The following WDR43 variants were observed in gnomAD, a reference collection of about 807,000 sequenced individuals.
The protein encoded by WDR43 is WD repeat domain 43, also known as WD repeat-containing protein 43.
Under a neutral mutation model 91.4 loss-of-function variants are expected in WDR43, and 13 were observed. The ratio of observed to expected loss-of-function variants is 0.14; its 90% CI spans 0.09 to 0.23. WDR43 has a LOEUF of 0.23. WDR43 is among the 10% of genes least tolerant of loss of function. WDR43 has a pLI of 1.00. For missense variants in WDR43, 780 were observed against 809.4 expected (o/e 0.96, Z 0.44); for synonymous variants, 331 against 287.9 (o/e 1.15, Z -1.51).
chr2:28,928,429 T>G (rs1470979084), intron 10 of WDR43, among the ~76,000 whole-genome samples: 1 of 152,204 alleles, frequency 6.6e-6, no homozygotes, highest in Non-Finnish European at 1.5e-5. Flanking sequence ...ATAAAAGTTA[T>G]TCCTCAGTTA....
intron 3 of WDR43, among the ~76,000 whole-genome samples, chr2:28,907,903 C>CAAAA (rs71403627): frequency 6.8e-6 from 1 of 146,524 alleles, no homozygotes; most frequent in Non-Finnish European, 1.5e-5. Flanking sequence ...GACTCCGTCT[C>CAAAA]AAAAAAAAAA....
chr2:28,941,624 T>C (rs1435335192), intron 15 of WDR43, 50 bp downstream of exon 15: 6 of 1,355,888 alleles, frequency 4.4e-6, no homozygotes, highest in Non-Finnish European at 6.2e-6. Context: ...ATGGTAGGAA[T>C]GGAGAGAGGA....
intron 3 of WDR43, among the ~76,000 whole-genome samples, chr2:28,911,345 G>A (rs1188476807): frequency 6.6e-6 from 1 of 150,864 alleles, no homozygotes; most frequent in East Asian, 2.0e-4. Context: ...CCAGGCTGGA[G>A]TACAGTGGTG....
At position 28,923,606 on chromosome 2, in the gene WDR43, A is replaced by G. The variant is rs146067551; in HGVS notation, c.914+623A>G. ...GGCACCCTTCTTTTAAGATACCAGT[A>G]TAGGAATTTATTTAAATATAAACAG... On this transcript the variant is annotated intron_variant, in intron 7 of 17. Coordinates refer to ENST00000407426, the MANE Select transcript of WDR43 (RefSeq NM_015131.3). 1.3e-3 allele frequency among the ~76,000 whole-genome samples: 201 copies of G among 152,282 alleles called. 1 individual carries two copies. Among genetic ancestry groups the G allele is most frequent in the Non-Finnish European group, 2.3e-3 (159 of 68,022 alleles).
At position 28,894,915 on chromosome 2, in the gene WDR43, C is replaced by A; in HGVS notation, c.217C>A (p.Gln73Lys). 1 of 1,589,872 alleles carries A rather than the reference C, an allele frequency of 6.3e-7. No homozygotes were observed. Among genetic ancestry groups the A allele is most frequent in the Non-Finnish European group, 8.6e-7 (1 of 1,168,942 alleles). The change falls in exon 1 of 18, where the codon CAG becomes AAG. Residue 73 changes from glutamine to lysine, a missense_variant. Physicochemically the swap from Gln to Lys is moderately conservative, Grantham distance 53. Around this residue, in one of 4 missense-constraint regions of WDR43, gnomAD observed 175 missense variants for 113.8 expected, o/e 1.54. Coordinates refer to ENST00000407426, the MANE Select transcript of WDR43 (RefSeq NM_015131.3). ...TCTGGCCTGGGCGCCAGCGCGGCTGCAGGCCAAGGTAAAGCGAGCGGGACT... is the reference window on the plus strand; with the variant it reads ...TCTGGCCTGGGCGCCAGCGCGGCTGAAGGCCAAGGTAAAGCGAGCGGGACT... The part of the protein sequence containing the change: ...TCLAWAPARL[Q>K]AKESPQRKKR...
intron 1 of WDR43, among the ~76,000 whole-genome samples, chr2:28,901,254 T>G (rs928472379): frequency 2.0e-5 from 3 of 152,246 alleles, no homozygotes; most frequent in African/African-American, 7.2e-5. Flanking sequence ...ACTGATGTAG[T>G]GCTTTTAAGT....
At chr2:28,900,470 C>T (rs1301559488) in intron 1 of WDR43, among the ~76,000 whole-genome samples, 3 of 152,192 alleles carry the variant, frequency 2.0e-5, no homozygotes, top group Non-Finnish European at 2.9e-5. Context: ...GCGTGAGCCA[C>T]CACACTCAGC....
chr2:28,941,401 A>G, intron 14 of WDR43, 60 bp from the exon 15 acceptor site: 1 of 1,308,022 alleles, frequency 7.6e-7, no homozygotes, highest in Non-Finnish European at 1.1e-6. Context: ...GCTGAGCATG[A>G]TTTGCGTGTT....
At position 28,933,258 on chromosome 2, in the gene WDR43, A is replaced by G. The variant is rs549769308; in HGVS notation, c.1438-2263A>G. 1.2e-3 allele frequency among the ~76,000 whole-genome samples: 182 copies of G among 152,318 alleles called. 3 individuals carry two copies. Among genetic ancestry groups the G allele is most frequent in the African/African-American group, 4.2e-3 (176 of 41,574 alleles). On this transcript the variant is annotated intron_variant, in intron 11 of 17. Coordinates refer to ENST00000407426, the MANE Select transcript of WDR43 (RefSeq NM_015131.3). ...TTTCAAAATAAAGCTATAGTAGTCAAGATAGTTTGATATTGGTGAAAAAAT... is the reference window on the plus strand; with the variant it reads ...TTTCAAAATAAAGCTATAGTAGTCAGGATAGTTTGATATTGGTGAAAAAAT...
At chr2:28,917,064 C>T (rs918392876) in intron 5 of WDR43, among the ~76,000 whole-genome samples, 1 of 151,926 alleles carries the variant, frequency 6.6e-6, no homozygotes, top group Non-Finnish European at 1.5e-5. Context: ...GCTTGGGGGC[C>T]GTTGTAATTA....
intron 14 of WDR43, 104 bp from the exon 15 acceptor site, chr2:28,941,357 T>C: frequency 1.3e-6 from 1 of 766,796 alleles, no homozygotes; most frequent in Non-Finnish European, 2.1e-6. Context: ...TGTAAGCAGA[T>C]GTGTGTGGTG....
Position 28,916,416 on chromosome 2 carries a change from C to T in WDR43, c.747-1477C>T, listed in dbSNP as rs552917293. On this transcript the variant is annotated intron_variant, in intron 5 of 17. Coordinates refer to ENST00000407426, the MANE Select transcript of WDR43 (RefSeq NM_015131.3). ...AAATTCCTTCACATCCTCATCAACACTTGGTATAGCATTTAATTTTAGCCA... is the reference window on the plus strand; with the variant it reads ...AAATTCCTTCACATCCTCATCAACATTTGGTATAGCATTTAATTTTAGCCA... 5.3e-5 allele frequency among the ~76,000 whole-genome samples: 8 copies of T among 152,126 alleles called. No homozygotes were observed. The South Asian group carries it at 1.7e-3, about 32-fold the overall frequency.
At position 28,946,692 on chromosome 2, in the gene WDR43, A is replaced by T; in HGVS notation, c.1947A>T (p.Glu649Asp). Residue 649 changes from glutamate (E) to aspartate (D), a missense_variant, in exon 18 of 18, where the codon GAA becomes GAT. This residue lies in a region of WDR43 where 426 missense variants were observed against 467.8 expected (regional missense o/e 0.91). Transcript: ENST00000407426. Reference protein sequence around the residue: ...EDEDAEGKDEENGEDRDTASE... With the variant: ...EDEDAEGKDEDNGEDRDTASE... ...AGGATGCCGAAGGAAAAGATGAAGA[A>T]AATGGCGAGGACAGAGATACAGCAA... The T allele has an allele frequency of 5.7e-6, 9 of 1,575,294 alleles. No homozygotes were observed. Among genetic ancestry groups the T allele is most frequent in the Non-Finnish European group, 7.8e-6 (9 of 1,160,030 alleles).
intron 5 of WDR43, among the ~76,000 whole-genome samples, chr2:28,915,875 G>A (rs1389495661): frequency 2.6e-5 from 4 of 152,148 alleles, no homozygotes; most frequent in African/African-American, 9.7e-5. Flanking sequence ...ATGTTACTAA[G>A]AATTTTTGCA....
chr2:28,926,963 C>T (rs1233941264), intron 9 of WDR43: 1 of 462,638 alleles, frequency 2.2e-6, no homozygotes, highest in African/African-American at 2.0e-5. Flanking sequence ...TATAATACCA[C>T]AAAAGCATAG....
chr2:28,911,485 A>C (rs1025595874), intron 3 of WDR43, among the ~76,000 whole-genome samples: 1 of 151,830 alleles, frequency 6.6e-6, no homozygotes, highest in Non-Finnish European at 1.5e-5. Flanking sequence ...TAGTAGAGAC[A>C]GGGTTTCACC....
At chr2:28,935,750 A>T in intron 12 of WDR43, 143 bp downstream of exon 12, 1 of 24,946 alleles carries the variant, frequency 4.0e-5, no homozygotes. Flanking sequence ...CTTTAGACAA[A>T]AAAAAAAAAA....
At chr2:28,926,598 CT>C (rs747113088) in intron 9 of WDR43, 44 bp downstream of exon 9, 104 of 1,491,530 alleles carry the variant, frequency 7.0e-5, no homozygotes, top group Non-Finnish European at 9.3e-5. Context: ...AAGAATATTT[CT>C]TTGGGTGAAT....
At chr2:28,899,319 G>T (rs1044774982) in intron 1 of WDR43, among the ~76,000 whole-genome samples, 1 of 152,194 alleles carries the variant, frequency 6.6e-6, no homozygotes, top group Non-Finnish European at 1.5e-5. Context: ...CTAATGCAGG[G>T]TATGACATGT....
Sources: allele counts gnomAD v4.1 joint callset (sites outside exome capture counted in the v4.1 genomes callset), GRCh38; gene constraint gnomAD v4.1.1; regional missense constraint gnomAD v4.1.1; transcripts MANE v1.5; gene names NCBI Gene and HGNC (gene_info 2026-07-23, HGNC 2026-07-21).